The following RIPK1 variants were observed in gnomAD, a reference collection of about 807,000 sequenced individuals.
RIPK1 encodes receptor interacting serine/threonine kinase 1.
A neutral mutation model predicts 62.4 loss-of-function variants in RIPK1; 27 were observed. The ratio of observed to expected loss-of-function variants is 0.43; its 90% CI spans 0.32 to 0.60. RIPK1 has a LOEUF of 0.60. Among genes scored for constraint, RIPK1 ranks in the 20% least tolerant of loss-of-function variants. RIPK1 has a pLI of 0.07. For missense variants in RIPK1, 735 were observed against 831.0 expected (o/e 0.88, Z 1.42); for synonymous variants, 287 against 303.2 (o/e 0.95, Z 0.55).
intron 7 of RIPK1, among the ~76,000 whole-genome samples, chr6:3,094,641 GA>G (rs1459150306): frequency 8.0e-5 from 12 of 150,686 alleles, no homozygotes; most frequent in African/African-American, 2.9e-4. Context: ...ATTATCTGAA[GA>G]AGATAGCAAA....
At chr6:3,090,334 C>G (rs1296835142) in intron 7 of RIPK1, among the ~76,000 whole-genome samples, 1 of 152,124 alleles carries the variant, frequency 6.6e-6, no homozygotes, top group Non-Finnish European at 1.5e-5. Context: ...TGCCATCCAT[C>G]TTCCAGCAAC....
chr6:3,078,660 C>T lies in RIPK1; in HGVS notation c.321+725C>T, dbSNP rs549566031. On this transcript the variant is annotated intron_variant, in intron 3 of 10. Transcript: ENST00000259808. ...AGAGCAGATAGAATATTAGTGGTTG[C>T]ACTTTGATACCATTCAACAAAGTTT... 4.6e-5 allele frequency among the ~76,000 whole-genome samples: 7 copies of T among 152,266 alleles called. No homozygotes were observed. In the South Asian group the frequency reaches 1.0e-3, roughly 23 times the overall value.
At chr6:3,084,873 T>G (rs1315392669) in intron 5 of RIPK1, among the ~76,000 whole-genome samples, 1 of 152,126 alleles carries the variant, frequency 6.6e-6, no homozygotes, top group Non-Finnish European at 1.5e-5. Flanking sequence ...ATTACAGGTG[T>G]GATCCACCAT....
intron 10 of RIPK1, among the ~76,000 whole-genome samples, chr6:3,111,644 C>T (rs981393663): frequency 2.6e-5 from 4 of 152,098 alleles, no homozygotes; most frequent in Admixed American, 1.3e-4. Context: ...TGAATGAGCA[C>T]GGCTGTGTTC....
At chr6:3,069,583 A>T (rs1758586841) in intron 1 of RIPK1, among the ~76,000 whole-genome samples, 1 of 152,212 alleles carries the variant, frequency 6.6e-6, no homozygotes, top group Non-Finnish European at 1.5e-5. Flanking sequence ...CCAATGATTA[A>T]TTCTTCCCTG....
chr6:3,090,854 AGTACCTACCTGCC>A (rs1760036411), intron 7 of RIPK1, among the ~76,000 whole-genome samples: 1 of 79,134 alleles, frequency 1.3e-5, no homozygotes, highest in African/African-American at 1.3e-4. Context: ...GTAACCGCAG[AGTACCTACCTGCC>A]GCACCTAGTA....
intron 2 of RIPK1, 35 bp from the exon 3 acceptor site, chr6:3,077,744 T>C: frequency 6.2e-7 from 1 of 1,609,898 alleles, no homozygotes; most frequent in Non-Finnish European, 8.5e-7. Context: ...GCGCTGGCTC[T>C]GCCAGCCTCA....
chr6:3,068,909 G>A (rs1758531665), intron 1 of RIPK1: 1 of 157,490 alleles, frequency 6.3e-6, no homozygotes. Context: ...CTTCCCGGAA[G>A]GAGAGGGACT....
intron 7 of RIPK1, among the ~76,000 whole-genome samples, chr6:3,102,551 G>C (rs913056372): frequency 1.3e-5 from 2 of 152,014 alleles, no homozygotes; most frequent in Admixed American, 6.6e-5. Flanking sequence ...AGTTCTTTGG[G>C]GTATATATAT....
In RIPK1 at chr6:3,106,006, C is replaced by T. The variant is rs1282372379; in HGVS notation, c.1531C>T (p.Leu511=). The change falls in exon 9 of 11, where the codon CTA becomes TTA. Residue 511 remains leucine (L), a synonymous_variant. Transcript: ENST00000259808. ...TATCCCAGTGCCTGAGACCAACTAT[C>T]TAGGAAATACACCCACCATGCCATT... ...HNIPVPETNY[L]GNTPTMPFSS... is the part of the protein sequence containing the mutation. The T allele has an allele frequency of 6.2e-7, 1 of 1,613,136 alleles. No individual in the cohort carries two copies. Among genetic ancestry groups the T allele is most frequent in the African/African-American group, 1.3e-5 (1 of 74,914 alleles).
intron 7 of RIPK1, among the ~76,000 whole-genome samples, chr6:3,102,984 T>C (rs920649837): frequency 6.6e-6 from 1 of 152,178 alleles, no homozygotes; most frequent in African/African-American, 2.4e-5. Flanking sequence ...AGGATTCTAA[T>C]TTCTCCACCA....
chr6:3,090,886 GCGCC>G (rs1375578297), intron 7 of RIPK1, among the ~76,000 whole-genome samples: 27 of 57,466 alleles, frequency 4.7e-4, no homozygotes, highest in South Asian at 6.6e-4. Context: ...TAACCGCAGC[GCGCC>G]TACCTGCCGC....
chr6:3,066,319 C>T (rs990530315), upstream of RIPK1, among the ~76,000 whole-genome samples: 3 of 152,190 alleles, frequency 2.0e-5, no homozygotes, highest in South Asian at 2.1e-4. Context: ...CCACTACACA[C>T]GGCCAGAACA....
chr6:3,076,926 T>C lies in RIPK1; in HGVS notation c.103T>C (p.Phe35Leu). 1.2e-6 allele frequency: 2 copies of C among 1,612,230 alleles called. No individual in the cohort carries two copies. The highest frequency in any genetic ancestry group is 1.7e-6 in the Non-Finnish European group (2 of 1,179,002). ...SGGFGKVSLCFHRTQGLMIMK... is the reference protein window; with the variant it reads ...SGGFGKVSLCLHRTQGLMIMK... ...AGGCTTTGGGAAGGTGTCTCTGTGT[T>C]TCCACAGAACCCAGGGACTCATGAT... The change falls in exon 2 of 11, where the codon TTC becomes CTC. Residue 35 changes from phenylalanine (F) to leucine (L), a missense_variant. Physicochemically the swap from Phe to Leu is conservative, Grantham distance 22. Coordinates refer to ENST00000259808, the MANE Select transcript of RIPK1 (RefSeq NM_001354930.2).
rs200422354 is a variant in RIPK1 at position 3,076,786 on chromosome 6, A to G, written c.-38A>G. ...CAGGGTACAGCTCTGCCGGGGGGGG[A>G]AAAAGTGGTACCATTTTGGGCGTTC... is the stretch of plus-strand genomic sequence containing the variant. On this transcript the variant is annotated 5_prime_UTR_variant, in exon 2 of 11. Coordinates refer to ENST00000259808, the MANE Select transcript of RIPK1 (RefSeq NM_001354930.2). The G allele has an allele frequency of 2.9e-4, 461 of 1,574,884 alleles. No individual in the cohort carries two copies. The highest frequency in any genetic ancestry group is 7.8e-4 in the Admixed American group (45 of 57,660).
In RIPK1 at chr6:3,105,234, A is replaced by G. The variant is rs1760779948; in HGVS notation, c.1007-248A>G. Among the ~76,000 whole-genome samples the G allele has an allele frequency of 6.6e-6, 1 of 152,018 alleles. No homozygotes were observed. The highest frequency in any genetic ancestry group is 6.5e-5 in the Admixed American group (1 of 15,268). On this transcript the variant is annotated intron_variant, in intron 8 of 10. Transcript: ENST00000259808. The surrounding 1 kb of genome is among the most constrained non-coding windows in gnomAD (Gnocchi z 4.5). ...AACCAAGTCCCTTTTTTCCTTGATC[A>G]TCCCTGCAACAGCCGCTTTTCTCTT...
At position 3,097,433 on chromosome 6, in the gene RIPK1, A is replaced by G. The variant is rs576464691; in HGVS notation, c.916-6792A>G. Among the ~76,000 whole-genome samples the G allele has an allele frequency of 1.7e-4, 26 of 152,338 alleles. No homozygotes were observed. In the South Asian group the frequency reaches 5.0e-3, roughly 29 times the overall value. ...TTGGAATGGAGTTGAAAACCCATAG[A>G]TCTACACATACCTAGAAACTTGATT... On this transcript the variant is annotated intron_variant, in intron 7 of 10. Transcript: ENST00000259808.
chr6:3,098,651 T>G (rs1760436761), intron 7 of RIPK1, among the ~76,000 whole-genome samples: 1 of 152,196 alleles, frequency 6.6e-6, no homozygotes, highest in Non-Finnish European at 1.5e-5. Flanking sequence ...TGTACAAAGA[T>G]AGCTAAGAAA....
At chr6:3,098,735 C>T (rs1322784284) in intron 7 of RIPK1, among the ~76,000 whole-genome samples, 1 of 152,178 alleles carries the variant, frequency 6.6e-6, no homozygotes, top group African/African-American at 2.4e-5. Flanking sequence ...AAAGGTGAGT[C>T]TTTGCAGGTT....
Sources: gnomAD v4.1 joint callset for allele counts (sites outside exome capture counted in the v4.1 genomes callset) on GRCh38, gnomAD v4.1.1 for gene constraint, Gnocchi (gnomAD v3.1) non-coding constraint, MANE v1.5 for transcripts, NCBI Gene and HGNC (gene_info 2026-07-23, HGNC 2026-07-21) for gene names.